KHDRBS2: variants seen among roughly 807,000 people sequenced by gnomAD.
KHDRBS2 encodes KH domain-containing, RNA-binding, signal transduction-associated protein 2.
KHDRBS2 carries 26 observed loss-of-function variants against 44.3 expected under a neutral mutation model. That is an observed-to-expected ratio of 0.59 (90% CI 0.43 to 0.81). KHDRBS2 has a LOEUF of 0.81. Among genes scored for constraint, KHDRBS2 ranks in the 40% least tolerant of loss-of-function variants. The pLI, the probability that KHDRBS2 is intolerant of heterozygous loss-of-function variation, is 0.00. For synonymous variants in KHDRBS2, 194 were observed against 151.1 expected, an observed-to-expected ratio of 1.28 and a Z score of -2.08; for missense variants, 476 against 433.1, an observed-to-expected ratio of 1.10 and a Z score of -0.88.
intron 8 of KHDRBS2, among the ~76,000 whole-genome samples, chr6:61,688,568 CAG>C (rs574778205): frequency 1.4e-3 from 210 of 152,026 alleles, no homozygotes; most frequent in Middle Eastern, 6.8e-3. Flanking sequence ...GCTTCATAGA[CAG>C]AGATTACATT....
rs377280804 is a variant in KHDRBS2 at position 61,981,047 on chromosome 6, A to G, written c.337-2835T>C. ...GCTTTTCCCCCAAAACATGCTGAATATGTATAATACAGGCCCTGTGAGGCA... is the reference window on the plus strand; with the variant it reads ...GCTTTTCCCCCAAAACATGCTGAATGTGTATAATACAGGCCCTGTGAGGCA... On this transcript the variant is annotated intron_variant, in intron 3 of 8. Transcript: ENST00000281156. Among the ~76,000 whole-genome samples, 14 of 152,278 alleles carry G rather than the reference A, an allele frequency of 9.2e-5. No individual in the cohort carries two copies. In the East Asian group the frequency reaches 1.4e-3, roughly 15 times the overall value.
the KHDRBS2 span, among the ~76,000 whole-genome samples, chr6:61,578,490 C>G: frequency 5.3e-5 from 8 of 152,096 alleles, no homozygotes; most frequent in Admixed American, 5.2e-4. Flanking sequence ...CTTGTATCTC[C>G]ACAGCAGTAA....
At chr6:61,851,198 AAT>A (rs1011593310) in intron 6 of KHDRBS2, among the ~76,000 whole-genome samples, 1 of 151,888 alleles carries the variant, frequency 6.6e-6, no homozygotes, top group Admixed American at 6.6e-5. Flanking sequence ...ATGAGAAAAA[AAT>A]ATATATATAC....
At chr6:62,221,880 GACCCTAAACTA>G (rs1563087037) in intron 1 of KHDRBS2, among the ~76,000 whole-genome samples, 1 of 151,962 alleles carries the variant, frequency 6.6e-6, no homozygotes, top group Non-Finnish European at 1.5e-5. Flanking sequence ...TTAAAAAACT[GACCCTAAACTA>G]AAAACTAATT....
intron 6 of KHDRBS2, among the ~76,000 whole-genome samples, chr6:61,766,423 T>G (rs1487576296): frequency 6.6e-6 from 1 of 151,990 alleles, no homozygotes; most frequent in Non-Finnish European, 1.5e-5. Context: ...AAACCACATT[T>G]TTGTTTCATT....
intron 2 of KHDRBS2, among the ~76,000 whole-genome samples, chr6:62,127,134 G>A (rs116092078): frequency 5.3e-4 from 81 of 152,218 alleles, no homozygotes; most frequent in Non-Finnish European, 1.0e-3. Context: ...GGACATGGTG[G>A]CAAGTGAGTC....
At chr6:61,919,088 C>T (rs1477463479) in intron 4 of KHDRBS2, among the ~76,000 whole-genome samples, 4 of 152,016 alleles carry the variant, frequency 2.6e-5, no homozygotes, top group Middle Eastern at 3.4e-3. Flanking sequence ...TAGGTAACCA[C>T]ATACCATCCT....
intron 4 of KHDRBS2, among the ~76,000 whole-genome samples, chr6:61,902,268 C>G (rs1418257109): frequency 3.9e-5 from 6 of 152,070 alleles, no homozygotes; most frequent in Non-Finnish European, 5.9e-5. Flanking sequence ...AATATTTAAA[C>G]ACAACAAATT....
intron 6 of KHDRBS2, among the ~76,000 whole-genome samples, chr6:61,827,013 A>C (rs1210594200): frequency 6.6e-6 from 1 of 152,264 alleles, no homozygotes; most frequent in Admixed American, 6.5e-5. Context: ...ATATAAAATT[A>C]TATCAACTGT....
the KHDRBS2 span, among the ~76,000 whole-genome samples, chr6:61,617,049 A>G: frequency 6.6e-6 from 1 of 152,158 alleles, no homozygotes; most frequent in Non-Finnish European, 1.5e-5. Context: ...AGTTGAGGCT[A>G]CTTTCAGAAC....
the KHDRBS2 span, among the ~76,000 whole-genome samples, chr6:61,654,482 G>T: frequency 6.6e-6 from 1 of 151,728 alleles, no homozygotes; most frequent in Non-Finnish European, 1.5e-5. Context: ...TCTGTTGTTT[G>T]CTCAAGAATC....
chr6:62,109,213 A>G (rs1213910954), intron 2 of KHDRBS2, among the ~76,000 whole-genome samples: 2 of 152,110 alleles, frequency 1.3e-5, no homozygotes, highest in Non-Finnish European at 2.9e-5. Context: ...TCACCATATT[A>G]ACAATCTAAA....
At chr6:62,001,730 CAG>C (rs1400090532) in intron 3 of KHDRBS2, among the ~76,000 whole-genome samples, 1 of 152,082 alleles carries the variant, frequency 6.6e-6, no homozygotes, top group Non-Finnish European at 1.5e-5. Context: ...AAATACCACA[CAG>C]AGAGTCTGCA....
At chr6:62,251,427 A>C (rs1249259941) in intron 1 of KHDRBS2, among the ~76,000 whole-genome samples, 1 of 151,950 alleles carries the variant, frequency 6.6e-6, no homozygotes, top group African/African-American at 2.4e-5. Flanking sequence ...TTTCCATCTA[A>C]GTTTGCAATT....
chr6:61,595,459 C>G, the KHDRBS2 span, among the ~76,000 whole-genome samples: 1 of 152,030 alleles, frequency 6.6e-6, no homozygotes, highest in African/African-American at 2.4e-5. Flanking sequence ...TTTTTCTTCG[C>G]TGAGAAACAA....
At chr6:61,885,602 T>C (rs1299453722) in intron 6 of KHDRBS2, among the ~76,000 whole-genome samples, 1 of 152,126 alleles carries the variant, frequency 6.6e-6, no homozygotes, top group East Asian at 1.9e-4. Context: ...ATCTAAATAA[T>C]GCAAACAAAA....
intron 4 of KHDRBS2, among the ~76,000 whole-genome samples, chr6:61,925,256 A>C (rs1808742084): frequency 6.6e-6 from 1 of 152,190 alleles, no homozygotes; most frequent in Non-Finnish European, 1.5e-5. Context: ...TAGTGATTAT[A>C]TTATCCAATT....
At chr6:61,741,707 C>A (rs1041798732) in intron 6 of KHDRBS2, among the ~76,000 whole-genome samples, 2 of 151,782 alleles carry the variant, frequency 1.3e-5, no homozygotes, top group African/African-American at 4.8e-5. Context: ...CAACCTAACA[C>A]TAATATTAGA....
chr6:61,906,488 T>C (rs1805047148), intron 4 of KHDRBS2, among the ~76,000 whole-genome samples: 1 of 152,058 alleles, frequency 6.6e-6, no homozygotes. Flanking sequence ...ATACTAGATC[T>C]TACTCATTCT....
Sources: gnomAD v4.1 joint callset for allele counts (sites outside exome capture counted in the v4.1 genomes callset) on GRCh38, gnomAD v4.1.1 for gene constraint, MANE v1.5 for transcripts, NCBI Gene and HGNC (gene_info 2026-07-23, HGNC 2026-07-21) for gene names.